Variants in DIO2 observed in about 807,000 individuals in gnomAD.
DIO2 encodes the protein iodothyronine deiodinase 2.
Under a neutral mutation model 21.4 loss-of-function variants are expected in DIO2, and 19 were observed. That is an observed-to-expected ratio of 0.89 (90% CI 0.62 to 1.30). The LOEUF (loss-of-function observed/expected upper bound fraction) is 1.30. Ranked by LOEUF, DIO2 falls within the 50% of genes most tolerant of loss-of-function variation. The pLI, the probability that DIO2 is intolerant of heterozygous loss-of-function variation, is 0.00. For missense variants in DIO2, 302 were observed against 338.1 expected, an observed-to-expected ratio of 0.89 and a Z score of 0.84; for synonymous variants, 122 against 132.9, an observed-to-expected ratio of 0.92 and a Z score of 0.57.
intron 2 of DIO2, among the ~76,000 whole-genome samples, chr14:80,219,798 G>A (rs2140017253): frequency 6.6e-6 from 1 of 152,208 alleles, no homozygotes; most frequent in Admixed American, 6.5e-5. Context: ...AAAATGCACA[G>A]GTCCAGCTAA....
At chr14:80,203,309 A>AAAAGAAG (rs1555354009) in intron 1 of DIO2, 21 bp from the exon 2 acceptor site, 1 of 1,422,718 alleles carries the variant, frequency 7.0e-7, no homozygotes, top group Non-Finnish European at 9.4e-7. Flanking sequence ...AAAAAAAAAA[A>AAAAGAAG]AAGAAGAAGA....
chr14:80,208,597 G>C (rs1343002690), intron 1 of DIO2, among the ~76,000 whole-genome samples: 1 of 152,110 alleles, frequency 6.6e-6, no homozygotes, highest in East Asian at 1.9e-4. Flanking sequence ...TCACTTCTGG[G>C]GATGGGTAGC....
At chr14:80,216,620 T>C (rs1013389370) in intron 3 of DIO2, 2 of 152,120 alleles carry the variant, frequency 1.3e-5, no homozygotes, top group African/African-American at 4.8e-5. Context: ...TTATACATGG[T>C]GAATTCATTC....
intron 1 of DIO2, among the ~76,000 whole-genome samples, chr14:80,210,226 G>C (rs1164666429): frequency 6.6e-6 from 1 of 152,146 alleles, no homozygotes. Context: ...GGGACCTTTA[G>C]AAGTCATATG....
At chr14:80,204,204 TA>T (rs199694933) in intron 1 of DIO2, among the ~76,000 whole-genome samples, 64 of 149,880 alleles carry the variant, frequency 4.3e-4, no homozygotes, top group African/African-American at 1.1e-3. Context: ...AATTTCCATT[TA>T]AAAAAAAAAT....
At chr14:80,218,727 C>G (rs1273643559) in intron 2 of DIO2, among the ~76,000 whole-genome samples, 2 of 152,158 alleles carry the variant, frequency 1.3e-5, no homozygotes, top group Non-Finnish European at 2.9e-5. Context: ...CCTCTAATCC[C>G]AGCACTTTGG....
intron 2 of DIO2, among the ~76,000 whole-genome samples, chr14:80,226,515 C>T (rs1300736554): frequency 6.6e-6 from 1 of 152,194 alleles, no homozygotes; most frequent in Non-Finnish European, 1.5e-5. Flanking sequence ...GTGCCCTTCC[C>T]ATGATGGAAG....
intron 1 of DIO2, among the ~76,000 whole-genome samples, chr14:80,205,198 C>CTT (rs552212952): frequency 6.8e-6 from 1 of 148,038 alleles, no homozygotes; most frequent in African/African-American, 2.5e-5. Context: ...TTTTGTACTT[C>CTT]TTTTTTTTTT....
Position 80,201,156 on chromosome 14 carries a change from A to T in DIO2, c.*1533T>A, listed in dbSNP as rs892533099. 4.6e-5 allele frequency: 7 copies of T among 150,950 alleles called. No individual in the cohort carries two copies. Among genetic ancestry groups the T allele is most frequent in the South Asian group, 2.1e-4 (1 of 4,826 alleles). The allele number at this position is 150,950 out of a possible 1,614,324, so 9.4% of individuals were successfully genotyped here. A position where few individuals can be genotyped will look rare whatever the true frequency, so the allele number is the denominator to read the frequency against. ...TATTTTAAAAAGAAAAAAATATTTT[A>T]TATATATATTTTTTAAAATAGCATT... On this transcript the variant is annotated 3_prime_UTR_variant, in exon 2 of 2. Coordinates refer to ENST00000438257, the MANE Select transcript of DIO2 (RefSeq NM_013989.5).
chr14:80,211,672 C>T (rs570907480), upstream of DIO2: 357 of 536,408 alleles, frequency 6.7e-4, 3 homozygotes, highest in Non-Finnish European at 9.0e-4. Context: ...AAGACTAAGT[C>T]CAGTCTCTCC....
In DIO2 at chr14:80,205,015, T is replaced by C. The variant is rs548180513; in HGVS notation, c.223-1727A>G. Among the ~76,000 whole-genome samples the C allele has an allele frequency of 7.2e-5, 11 of 152,350 alleles. No individual in the cohort carries two copies. The South Asian group carries it at 2.1e-3, about 29-fold the overall frequency. On this transcript the variant is annotated intron_variant, in intron 1 of 1. Coordinates refer to ENST00000438257, the MANE Select transcript of DIO2 (RefSeq NM_013989.5). ...GTCACCACCACAGAGAAAATTATTTTACTTATACTAACTTTCTTGATTAAT... is the reference window on the plus strand; with the variant it reads ...GTCACCACCACAGAGAAAATTATTTCACTTATACTAACTTTCTTGATTAAT...
At chr14:80,221,368 A>G (rs1263707813) in intron 2 of DIO2, among the ~76,000 whole-genome samples, 2 of 152,198 alleles carry the variant, frequency 1.3e-5, no homozygotes, top group African/African-American at 4.8e-5. Context: ...CTAGAAACCA[A>G]TGTTTTGTCT....
At chr14:80,226,802 C>T (rs1888585654) in intron 2 of DIO2, among the ~76,000 whole-genome samples, 1 of 152,190 alleles carries the variant, frequency 6.6e-6, no homozygotes, top group Non-Finnish European at 1.5e-5. Flanking sequence ...GTCATCCTAT[C>T]CACTTGATTA....
intron 2 of DIO2, among the ~76,000 whole-genome samples, chr14:80,228,648 T>G (rs1427753785): frequency 6.6e-6 from 1 of 152,190 alleles, no homozygotes; most frequent in African/African-American, 2.4e-5. Context: ...GCCCTCACCC[T>G]ACCAGGCAGG....
chr14:80,225,893 G>C (rs1888565759), intron 2 of DIO2, among the ~76,000 whole-genome samples: 1 of 152,172 alleles, frequency 6.6e-6, no homozygotes, highest in South Asian at 2.1e-4. Flanking sequence ...AAGGTAGGAG[G>C]AGCCCAAAGT....
chr14:80,219,259 A>T (rs977213223), intron 2 of DIO2: 1 of 152,226 alleles, frequency 6.6e-6, no homozygotes, highest in Non-Finnish European at 1.5e-5. Context: ...AGGGCAGTGC[A>T]ATAATAAATA....
chr14:80,200,673 G>A lies in DIO2; in HGVS notation c.*2016C>T, dbSNP rs1418608315. On this transcript the variant is annotated 3_prime_UTR_variant, in exon 2 of 2. Coordinates refer to ENST00000438257, the MANE Select transcript of DIO2 (RefSeq NM_013989.5). ...AATATGATTTTCCAGCAACTCATTA[G>A]ATAATGAAATTTGCTTTGTTTCTTT... is the stretch of plus-strand genomic sequence containing the variant. 1 of 152,162 alleles carries A rather than the reference G, an allele frequency of 6.6e-6. No homozygotes were observed. The highest frequency in any genetic ancestry group is 1.5e-5 in the Non-Finnish European group (1 of 68,024). 9.4% of individuals were successfully genotyped at this position (152,162 alleles called of 1,614,324 possible).
At chr14:80,204,567 G>A (rs1024686042) in intron 1 of DIO2, among the ~76,000 whole-genome samples, 1 of 152,100 alleles carries the variant, frequency 6.6e-6, no homozygotes, top group African/African-American at 2.4e-5. Flanking sequence ...CCTTAGAATG[G>A]TTTAATCAAA....
intron 1 of DIO2, among the ~76,000 whole-genome samples, chr14:80,210,762 C>T (rs1248646069): frequency 6.6e-6 from 1 of 152,122 alleles, no homozygotes; most frequent in Admixed American, 6.5e-5. Flanking sequence ...TTTCTATGAC[C>T]ACTTTCTTAT....
Sources: allele counts gnomAD v4.1 joint callset (sites outside exome capture counted in the v4.1 genomes callset), GRCh38; gene constraint gnomAD v4.1.1; transcripts MANE v1.5; gene names NCBI Gene and HGNC (gene_info 2026-07-23, HGNC 2026-07-21).